MIOX: variants seen among roughly 807,000 people sequenced by gnomAD.
MIOX encodes myo-inositol oxygenase.
MIOX carries 51 observed loss-of-function variants against 42.7 expected under a neutral mutation model. The observed-to-expected ratio is 1.19, with a 90% CI of 0.95 to 1.51. MIOX has a LOEUF of 1.51. MIOX is among the 40% of genes most tolerant of loss of function. The probability of loss-of-function intolerance (pLI) is 0.00; values close to 1 mark genes in which losing one functional copy is unlikely to be tolerated. For synonymous variants in MIOX, 168 were observed against 154.4 expected (o/e 1.09, Z -0.65); for missense variants, 395 against 381.3 (o/e 1.04, Z -0.30).
At position 50,490,079 on chromosome 22, in the gene MIOX, C is replaced by T. The variant is rs2068342798; in HGVS notation, c.*223C>T. Reference sequence around the variant, plus strand: ...CCCACTGGGTGTTACTGCAGCAGGGCGTGGCCCAGGCCGAGGGATGGTGCC... The same window carrying T: ...CCCACTGGGTGTTACTGCAGCAGGGTGTGGCCCAGGCCGAGGGATGGTGCC... On this transcript the variant is annotated 3_prime_UTR_variant, in exon 10 of 10. Coordinates refer to ENST00000216075, the MANE Select transcript of MIOX (RefSeq NM_017584.6). The T allele has an allele frequency of 8.7e-6, 5 of 574,552 alleles. No individual in the cohort carries two copies. Among genetic ancestry groups the T allele is most frequent in the African/African-American group, 1.9e-5 (1 of 53,420 alleles). The allele number at this position is 574,552 out of a possible 1,614,324, so 35.6% of individuals were successfully genotyped here.
rs973388810 is a variant in MIOX, at chr22:50,489,738, C to T, written c.750-10C>T. 1.2e-6 allele frequency: 2 copies of T among 1,611,388 alleles called. No individual in the cohort carries two copies. The highest frequency in any genetic ancestry group is 2.7e-5 in the African/African-American group (2 of 74,830). ...TTCTTCACGGGGCTCACCGCCCCTC[C>T]CTGCTGCAGCAAGTTCGACCTCTAC... is the stretch of plus-strand genomic sequence containing the variant. On this transcript the variant is annotated splice_polypyrimidine_tract_variant and intron_variant, in intron 9 of 9. Coordinates refer to ENST00000216075, the MANE Select transcript of MIOX (RefSeq NM_017584.6).
In MIOX at chr22:50,487,733, C is replaced by T. The variant is rs1320595977; in HGVS notation, c.168C>T (p.Val56=). The T allele has an allele frequency of 6.2e-7, 1 of 1,613,776 alleles. No homozygotes were observed. The highest frequency in any genetic ancestry group is 1.7e-5 in the Admixed American group (1 of 59,990). The change falls in exon 3 of 10, where the codon GTC becomes GTT. Residue 56 remains valine (V), a synonymous_variant. Transcript: ENST00000216075. ...LMHTHQTVDF[V]RSKHAQFGGF... is the part of the protein sequence containing the mutation. ...ACACGCACCAGACAGTGGACTTCGT[C>T]AGGAGCAAGGTAGGCGTTTCCTGCC...
At chr22:50,488,459 G>A in intron 5 of MIOX, 117 bp downstream of exon 5, 1 of 807,352 alleles carries the variant, frequency 1.2e-6, no homozygotes, top group South Asian at 1.9e-5. Context: ...ACCCCCCACG[G>A]CCCCCCGACG....
At chr22:50,487,535 A>G (rs2068285665) in intron 2 of MIOX, 70 bp downstream of exon 2, 1 of 1,564,016 alleles carries the variant, frequency 6.4e-7, no homozygotes, top group Non-Finnish European at 8.8e-7. Flanking sequence ...TGCCCTTCAC[A>G]CAGTTCCAGG....
chr22:50,488,979 T>C, intron 5 of MIOX, 61 bp from the exon 6 acceptor site: 1 of 1,134,652 alleles, frequency 8.8e-7, no homozygotes, highest in Non-Finnish European at 1.2e-6. Context: ...CAGTGGGTGG[T>C]CATCGGCGAC....
In MIOX at chr22:50,489,906, G is replaced by A. The variant is rs1176532918; in HGVS notation, c.*50G>A. On this transcript the variant is annotated 3_prime_UTR_variant, in exon 10 of 10. Transcript: ENST00000216075. ...TGGACCTAGGCCTGGCCCTCCGCCT[G>A]CCTGGAGAGGCCTGGCCCTGGGCAA... 7.2e-6 allele frequency: 11 copies of A among 1,529,386 alleles called. No individual in the cohort carries two copies. Among genetic ancestry groups the A allele is most frequent in the Non-Finnish European group, 9.9e-6 (11 of 1,113,478 alleles). The allele number at this position is 1,529,386 out of a possible 1,614,324, so 94.7% of individuals were successfully genotyped here. A position where few individuals can be genotyped will look rare whatever the true frequency, so the allele number is the denominator to read the frequency against.
intron 8 of MIOX, 22 bp from the exon 9 acceptor site, chr22:50,489,510 C>T (rs769222152): frequency 5.6e-6 from 9 of 1,611,846 alleles, no homozygotes; most frequent in Admixed American, 3.3e-5. Flanking sequence ...CCAAGTGAGC[C>T]GCTGGGTGGC....
rs1569516410 is a variant in MIOX at position 50,487,981 on chromosome 22, A to T, written c.273A>T (p.Val91=). The T allele has an allele frequency of 6.2e-7, 1 of 1,614,010 alleles. No homozygotes were observed. Among genetic ancestry groups the T allele is most frequent in the East Asian group, 2.2e-5 (1 of 44,878 alleles). ...DGLVDESDPD[V]DFPNSFHAFQ... ...TGGTGGATGAGTCGGACCCGGACGT[A>T]GATTTCCCCAACTCCTTCCATGCCT... is the stretch of plus-strand genomic sequence containing the variant. The change falls in exon 4 of 10, where the codon GTA becomes GTT. Residue 91 remains valine, a synonymous_variant. Transcript: ENST00000216075.
intron 7 of MIOX, 38 bp from the exon 8 acceptor site, chr22:50,489,359 C>G (rs755890366): frequency 1.3e-6 from 2 of 1,508,450 alleles, no homozygotes; most frequent in South Asian, 2.5e-5. Flanking sequence ...GGCGGTGGGG[C>G]AGAGGCAGTG....
In MIOX at chr22:50,487,942, C is replaced by CA; in HGVS notation, c.234_235insA (p.Leu79ThrfsTer8). The CA allele has an allele frequency of 6.2e-7, 1 of 1,614,026 alleles. No individual in the cohort carries two copies. ...AAATGACAGTCATGGAGGCCGTGGA[C>CA]CTGCTGGATGGGCTGGTGGATGAGT... On this transcript the variant is annotated frameshift_variant, in exon 4 of 10. Coordinates refer to ENST00000216075, the MANE Select transcript of MIOX (RefSeq NM_017584.6). LOFTEE classifies it high-confidence loss of function.
intron 2 of MIOX, 21 bp downstream of exon 2, chr22:50,487,486 C>CG: frequency 8.3e-7 from 1 of 1,204,280 alleles, no homozygotes; most frequent in East Asian, 2.3e-5. Context: ...TGCCGTCCTG[C>CG]CCCCCTTCTC....
rs1281923019 is a variant in MIOX, at chr22:50,489,108, C to T, written c.477C>T (p.Ser159=). The T allele has an allele frequency of 1.9e-6, 3 of 1,613,292 alleles. No homozygotes were observed. The highest frequency in any genetic ancestry group is 2.2e-5 in the East Asian group (1 of 44,864). The change falls in exon 6 of 10, where the codon TCC becomes TCT. Residue 159 remains serine, a synonymous_variant. Coordinates refer to ENST00000216075, the MANE Select transcript of MIOX (RefSeq NM_017584.6). The stretch of plus-strand genomic sequence containing the variant: ...AGGCCTCCGTGGTTTTCTGCGACTC[C>T]ACCTTCCAGGACAACCCTGACCTCC... ...RPQASVVFCD[S]TFQDNPDLQD... is the part of the protein sequence containing the mutation.
Position 50,487,453 on chromosome 22 carries a change from C to T in MIOX, c.84C>T (p.Phe28=). ...DPEVAKDKAS[F]RNYTSGPLLD... ...AGGTGGCCAAAGACAAGGCCAGCTT[C>T]CGGAACTACACGGTGAGTACCTTGC... The change falls in exon 2 of 10, where the codon TTC becomes TTT. Residue 28 remains phenylalanine (F), a synonymous_variant. Transcript: ENST00000216075. The T allele has an allele frequency of 6.2e-7, 1 of 1,613,850 alleles. No individual in the cohort carries two copies. Among genetic ancestry groups the T allele is most frequent in the South Asian group, 1.1e-5 (1 of 91,074 alleles).
rs1403225779 is a variant in MIOX, at chr22:50,488,468, C to CG, written c.408+128dup. The CG allele has an allele frequency of 5.5e-6, 4 of 728,346 alleles. No homozygotes were observed. The South Asian group carries it at 7.9e-5, about 14-fold the overall frequency. The allele number at this position is 728,346 out of a possible 1,614,324, so 45.1% of individuals were successfully genotyped here. ...CAGTGCACCCCCCACGGCCCCCCGA[C>CG]GGCTGCCTGTCCCTCTGGTGGCCTC... On this transcript the variant is annotated intron_variant, in intron 5 of 9. Coordinates refer to ENST00000216075, the MANE Select transcript of MIOX (RefSeq NM_017584.6).
At position 50,489,247 on chromosome 22, in the gene MIOX, C is replaced by T. The variant is rs1345608531; in HGVS notation, c.538C>T (p.Gln180Ter). The T allele has an allele frequency of 6.2e-7, 1 of 1,607,020 alleles. No homozygotes were observed. Residue 180 changes from glutamine (Q) to a stop codon, truncating the protein, a stop_gained, in exon 7 of 10, where the codon CAG becomes TAG. Transcript: ENST00000216075. LOFTEE classifies it high-confidence loss of function. ...CTGCAGCACAGAGCTCGGGATGTATCAGCCCCACTGTGGGCTCGACAGGGT... is the reference window on the plus strand; with the variant it reads ...CTGCAGCACAGAGCTCGGGATGTATTAGCCCCACTGTGGGCTCGACAGGGT... ...PRYSTELGMY[Q>*]PHCGLDRVLM...
chr22:50,488,218 T>C, intron 4 of MIOX, 57 bp from the exon 5 acceptor site: 2 of 1,610,026 alleles, frequency 1.2e-6, no homozygotes, highest in Non-Finnish European at 1.7e-6. Context: ...GCAAACCTGC[T>C]CATCCTCTGC....
Position 50,488,324 on chromosome 22 carries a change from C to T in MIOX, c.390C>T (p.Ala130=), listed in dbSNP as rs756658187. The part of the protein sequence containing the change: ...GLLHDLGKVL[A]LFGEPQWAVV... ...TGCACGACCTGGGGAAGGTCCTGGCCCTGTTCGGGGAGCCCCAGGTAAGAG... is the reference window on the plus strand; with the variant it reads ...TGCACGACCTGGGGAAGGTCCTGGCTCTGTTCGGGGAGCCCCAGGTAAGAG... Residue 130 remains alanine, a synonymous_variant, in exon 5 of 10, where the codon GCC becomes GCT. Transcript: ENST00000216075. 7 of 1,607,770 alleles carry T rather than the reference C, an allele frequency of 4.4e-6. No individual in the cohort carries two copies. Among genetic ancestry groups the T allele is most frequent in the Non-Finnish European group, 5.9e-6 (7 of 1,176,658 alleles).
Position 50,489,454 on chromosome 22 carries a change from G to C in MIOX, c.636+8G>C, listed in dbSNP as rs748959694. ...TTCTCACTGCCCCCTGAGGTAGGTG[G>C]GGGGAGGGGCAACGCAGCCCGTCCA... On this transcript the variant is annotated splice_region_variant and intron_variant, in intron 8 of 9. Transcript: ENST00000216075. 14 of 1,608,100 alleles carry C rather than the reference G, an allele frequency of 8.7e-6. No homozygotes were observed. The highest frequency in any genetic ancestry group is 1.1e-5 in the South Asian group (1 of 90,786).
intron 5 of MIOX, 123 bp downstream of exon 5, chr22:50,488,465 C>T (rs74714772): frequency 0.12 from 87,446 of 727,030 alleles, 10,941 homozygotes; most frequent in East Asian, 0.38. Context: ...CACGGCCCCC[C>T]GACGGCTGCC....
Sources: gnomAD v4.1 joint callset for allele counts on GRCh38, gnomAD v4.1.1 for gene constraint, MANE v1.5 for transcripts, NCBI Gene and HGNC (gene_info 2026-07-23, HGNC 2026-07-21) for gene names.